The following NT5DC3 variants were observed in gnomAD, a reference collection of about 807,000 sequenced individuals.
The protein encoded by NT5DC3 is 5'-nucleotidase domain-containing protein 3.
Under a neutral mutation model 67.8 loss-of-function variants are expected in NT5DC3, and 42 were observed. The ratio of observed to expected loss-of-function variants is 0.62; its 90% CI spans 0.48 to 0.80. The LOEUF (loss-of-function observed/expected upper bound fraction) is 0.80, where lower values mean the gene tolerates loss of function less well. Among genes scored for constraint, NT5DC3 ranks in the 30% least tolerant of loss-of-function variants. NT5DC3 has a pLI of 0.00. For missense variants in NT5DC3, 570 were observed against 696.4 expected, an observed-to-expected ratio of 0.82 and a Z score of 2.04; for synonymous variants, 237 against 255.6, an observed-to-expected ratio of 0.93 and a Z score of 0.69.
the NT5DC3 span, chr12:103,762,318 C>T: frequency 5.0e-6 from 8 of 1,614,256 alleles, no homozygotes; most frequent in Non-Finnish European, 6.8e-6. Flanking sequence ...TCTTTGCCAT[C>T]ATCCTGGTGA....
chr12:103,757,856 G>C, the NT5DC3 span: 1 of 370,270 alleles, frequency 2.7e-6, no homozygotes, highest in East Asian at 5.7e-5. Context: ...CTGTTCCTCT[G>C]AGTGAAGTGG....
At chr12:103,780,681 GTA>G (rs1305021208) in intron 12 of NT5DC3, among the ~76,000 whole-genome samples, 1 of 152,192 alleles carries the variant, frequency 6.6e-6, no homozygotes. Context: ...TATAACACAT[GTA>G]TGTGATATAT....
At chr12:103,834,795 G>T (rs4964540) in intron 1 of NT5DC3, among the ~76,000 whole-genome samples, 27,481 of 152,164 alleles carry the variant, frequency 0.18, 2,605 homozygotes, top group Middle Eastern at 0.31. Flanking sequence ...TTCACTCTGG[G>T]AGCCTTTTAA....
At position 103,793,219 on chromosome 12, in the gene NT5DC3, ACAGGTCCCTC is replaced by A. The variant is rs751562222; in HGVS notation, c.954_963del (p.Trp318CysfsTer25). The A allele has an allele frequency of 1.2e-6, 2 of 1,609,726 alleles. No individual in the cohort carries two copies. Among genetic ancestry groups the A allele is most frequent in the Non-Finnish European group, 8.5e-7 (1 of 1,179,090 alleles). ...TCAGCCTGAACAATGACCACATCGAACAGGTCCCTCCAGTCTTTCCCAACGATATAACTCA... is the reference window on the plus strand; with the variant it reads ...TCAGCCTGAACAATGACCACATCGAACAGTCTTTCCCAACGATATAACTCA... On this transcript the variant is annotated frameshift_variant, in exon 9 of 14. Coordinates refer to ENST00000392876, the MANE Select transcript of NT5DC3 (RefSeq NM_001031701.3). LOFTEE classifies it high-confidence loss of function.
chr12:103,750,758 C>G, the NT5DC3 span: 4 of 1,582,682 alleles, frequency 2.5e-6, no homozygotes, highest in Non-Finnish European at 3.4e-6. Context: ...AAGCACCCTC[C>G]TCTTCAGGCC....
downstream of NT5DC3, among the ~76,000 whole-genome samples, chr12:103,765,689 TA>T (rs1395685264): frequency 6.6e-6 from 1 of 152,184 alleles, no homozygotes; most frequent in African/African-American, 2.4e-5. Context: ...TAGCTGGGCC[TA>T]CAGGCATGTG....
intron 1 of NT5DC3, among the ~76,000 whole-genome samples, chr12:103,816,449 T>C (rs1196215443): frequency 5.3e-5 from 8 of 152,248 alleles, no homozygotes; most frequent in Admixed American, 5.2e-4. Flanking sequence ...AGCACCTTCA[T>C]GTGTTAATCT....
At chr12:103,770,274 A>C (rs1409090045), downstream of NT5DC3, among the ~76,000 whole-genome samples, 2 of 152,250 alleles carry the variant, frequency 1.3e-5, no homozygotes. Flanking sequence ...AGAAATGTAT[A>C]TATAATGTTC....
intron 2 of NT5DC3, 52 bp downstream of exon 2, chr12:103,814,885 G>A: frequency 7.0e-7 from 1 of 1,433,274 alleles, no homozygotes; most frequent in Non-Finnish European, 9.5e-7. Context: ...GCTCAAGGCT[G>A]TTCTAAGAGG....
chr12:103,828,029 A>G (rs2139459967), intron 1 of NT5DC3, among the ~76,000 whole-genome samples: 1 of 152,358 alleles, frequency 6.6e-6, no homozygotes, highest in East Asian at 1.9e-4. Context: ...AACCAGTCAG[A>G]CCACACATGG....
rs368286649 is a variant in NT5DC3, at chr12:103,815,013, G to A, written c.317C>T (p.Thr106Ile). 4.0e-5 allele frequency: 65 copies of A among 1,613,432 alleles called. No homozygotes were observed. The highest frequency in any genetic ancestry group is 5.3e-5 in the Non-Finnish European group (63 of 1,179,640). The stretch of plus-strand genomic sequence containing the variant: ...GAGGTGCTTTGAATAAAACACCAAG[G>A]TGTAATCATAATCGAAGCCATAGAT... ...IEIYGFDYDY[T>I]LVFYSKHLHT... The change falls in exon 2 of 14, where the codon ACC (threonine) becomes ATC (isoleucine). Residue 106 changes from threonine (T) to isoleucine (I), a missense_variant. By Grantham distance (89) the Thr-to-Ile change is moderately conservative. This residue lies in a region of NT5DC3 where 466 missense variants were observed against 608.0 expected (regional missense o/e 0.77). Transcript: ENST00000392876.
rs779145227 is a variant in NT5DC3, at chr12:103,773,901, TGTA to T, written c.*3925_*3927del. 18 of 152,626 alleles carry T rather than the reference TGTA, an allele frequency of 1.2e-4. No homozygotes were observed. The highest frequency in any genetic ancestry group is 1.9e-4 in the Non-Finnish European group (13 of 68,020). 9.5% of individuals were successfully genotyped at this position (152,626 alleles called of 1,614,324 possible). On this transcript the variant is annotated 3_prime_UTR_variant, in exon 14 of 14. Transcript: ENST00000392876. ...CAATGCATTCAAAGCAACTAGTAATTGTAGTCTGTAATATGCCCAAATCAGTAG... is the reference window on the plus strand; with the variant it reads ...CAATGCATTCAAAGCAACTAGTAATTGTCTGTAATATGCCCAAATCAGTAG...
chr12:103,754,322 A>C, the NT5DC3 span, among the ~76,000 whole-genome samples: 2 of 152,092 alleles, frequency 1.3e-5, no homozygotes, highest in Non-Finnish European at 2.9e-5. Flanking sequence ...TAGGAACTCA[A>C]TTTTTAAGAT....
chr12:103,827,852 A>AT (rs1486106642), intron 1 of NT5DC3, among the ~76,000 whole-genome samples: 2 of 152,320 alleles, frequency 1.3e-5, no homozygotes, highest in East Asian at 1.9e-4. Flanking sequence ...TGCAAAGAAG[A>AT]TTTTTTTAAA....
chr12:103,822,437 A>G (rs1412640916), intron 1 of NT5DC3, among the ~76,000 whole-genome samples: 1 of 152,254 alleles, frequency 6.6e-6, no homozygotes, highest in Non-Finnish European at 1.5e-5. Flanking sequence ...AAAAAAAGCG[A>G]ATTAAAACAA....
intron 1 of NT5DC3, among the ~76,000 whole-genome samples, chr12:103,816,699 G>C (rs1887268600): frequency 6.6e-6 from 1 of 152,094 alleles, no homozygotes; most frequent in South Asian, 2.1e-4. Flanking sequence ...AGAGGATGTT[G>C]GTGATCTTAT....
chr12:103,826,484 G>T (rs1056742573), intron 1 of NT5DC3, among the ~76,000 whole-genome samples: 2 of 152,228 alleles, frequency 1.3e-5, no homozygotes, highest in African/African-American at 4.8e-5. Context: ...GAAAGCCATT[G>T]CTGGCTTTGA....
intron 11 of NT5DC3, chr12:103,785,704 A>G: frequency 1.6e-6 from 1 of 630,200 alleles, no homozygotes. Flanking sequence ...GCCGTGAGTC[A>G]CAACCCCTGC....
downstream of NT5DC3, among the ~76,000 whole-genome samples, chr12:103,768,137 TA>T (rs1885066803): frequency 2.1e-5 from 3 of 144,840 alleles, no homozygotes; most frequent in Admixed American, 2.1e-4. Context: ...TACAGCCCAT[TA>T]AAAAGTTTGA....
Sources: gnomAD v4.1 joint callset for allele counts (sites outside exome capture counted in the v4.1 genomes callset) on GRCh38, gnomAD v4.1.1 for gene constraint, gnomAD v4.1.1 regional missense constraint, MANE v1.5 for transcripts, NCBI Gene and HGNC (gene_info 2026-07-23, HGNC 2026-07-21) for gene names.